The following ACTR3C variants were observed in gnomAD, a reference collection of about 807,000 sequenced individuals.
ACTR3C encodes actin-related protein 3C.
ACTR3C carries 18 observed loss-of-function variants against 26.3 expected under a neutral mutation model. That is an observed-to-expected ratio of 0.68 (90% CI 0.47 to 1.01). The LOEUF (loss-of-function observed/expected upper bound fraction) is 1.01, where lower values mean the gene tolerates loss of function less well. Ranked by LOEUF, ACTR3C falls within the 50% of genes least tolerant of loss-of-function variation. The probability of loss-of-function intolerance (pLI) is 0.00; values close to 1 mark genes in which losing one functional copy is unlikely to be tolerated. For missense variants in ACTR3C, 184 were observed against 250.7 expected, an observed-to-expected ratio of 0.73 and a Z score of 1.80; for synonymous variants, 55 against 94.5, an observed-to-expected ratio of 0.58 and a Z score of 2.42.
intron 6 of ACTR3C, among the ~76,000 whole-genome samples, chr7:150,261,563 G>A (rs1372524253): frequency 1.3e-5 from 2 of 152,252 alleles, no homozygotes; most frequent in Admixed American, 6.5e-5. Context: ...TTAGCAGGGC[G>A]TGGTGGCACA....
the ACTR3C span, among the ~76,000 whole-genome samples, chr7:150,070,035 G>C: frequency 3.1e-4 from 47 of 152,192 alleles, no homozygotes; most frequent in Non-Finnish European, 5.6e-4. Context: ...AAGAACTGAG[G>C]TCCAGGTCTG....
the ACTR3C span, among the ~76,000 whole-genome samples, chr7:150,042,826 A>T: frequency 6.6e-6 from 1 of 151,288 alleles, no homozygotes; most frequent in South Asian, 2.1e-4. Flanking sequence ...GTTTGGGTTA[A>T]AAGTCCAGCT....
chr7:150,103,686 A>G, the ACTR3C span, among the ~76,000 whole-genome samples: 1 of 151,964 alleles, frequency 6.6e-6, no homozygotes, highest in South Asian at 2.1e-4. Flanking sequence ...TTAAATTCAG[A>G]GACAATATTA....
intron 3 of ACTR3C, among the ~76,000 whole-genome samples, chr7:150,291,905 C>T (rs879504148): frequency 7.3e-5 from 11 of 151,394 alleles, no homozygotes; most frequent in Admixed American, 7.2e-4. Context: ...AGCCACCTCT[C>T]CTCCCCACAG....
At chr7:150,309,545 C>T (rs1354223331) in intron 1 of ACTR3C, among the ~76,000 whole-genome samples, 38 of 152,168 alleles carry the variant, frequency 2.5e-4, no homozygotes, top group Admixed American at 2.5e-3. Flanking sequence ...CCCAGCCATG[C>T]CTTCAGCACA....
At chr7:150,173,026 C>G in the ACTR3C span, among the ~76,000 whole-genome samples, 2 of 149,496 alleles carry the variant, frequency 1.3e-5, no homozygotes, top group African/African-American at 5.1e-5. Context: ...CACTGAGTGT[C>G]TGCAGCTTTT....
chr7:150,198,675 C>A, the ACTR3C span, among the ~76,000 whole-genome samples: 2 of 147,392 alleles, frequency 1.4e-5, no homozygotes, highest in Admixed American at 6.6e-5. Context: ...AAGTGAGGAG[C>A]CTCTCCGCCC....
At chr7:150,318,931 T>G (rs142942399) in intron 1 of ACTR3C, among the ~76,000 whole-genome samples, 205 of 152,346 alleles carry the variant, frequency 1.3e-3, no homozygotes, top group African/African-American at 4.7e-3. Context: ...CTGGGCTTCT[T>G]CCAGACCCAC....
the ACTR3C span, among the ~76,000 whole-genome samples, chr7:150,137,043 C>T: frequency 1.3e-5 from 2 of 152,318 alleles, no homozygotes; most frequent in South Asian, 2.1e-4. Context: ...CTATGAGAAT[C>T]GAATGCCACC....
At chr7:150,161,221 T>TAC in the ACTR3C span, among the ~76,000 whole-genome samples, 13 of 125,638 alleles carry the variant, frequency 1.0e-4, 1 homozygote, top group African/African-American at 4.3e-4. Context: ...TATATATATA[T>TAC]ATATTTATTA....
chr7:150,243,665 T>C (rs1832308346), downstream of ACTR3C, among the ~76,000 whole-genome samples: 1 of 152,090 alleles, frequency 6.6e-6, no homozygotes, highest in Admixed American at 6.5e-5. Context: ...TACACAATCC[T>C]CCCATATACT....
At chr7:150,145,890 TTCTAG>T in the ACTR3C span, among the ~76,000 whole-genome samples, 1 of 141,484 alleles carries the variant, frequency 7.1e-6, no homozygotes, top group Non-Finnish European at 1.5e-5. Context: ...TGTGGTTCCC[TTCTAG>T]TCTTTTCTAT....
At chr7:149,916,820 T>C in the ACTR3C span, among the ~76,000 whole-genome samples, 4 of 151,220 alleles carry the variant, frequency 2.6e-5, no homozygotes, top group Non-Finnish European at 5.9e-5. Context: ...CCTTTTCTCA[T>C]ACAGAAATCA....
chr7:150,035,186 T>G, the ACTR3C span, among the ~76,000 whole-genome samples: 17 of 135,066 alleles, frequency 1.3e-4, 1 homozygote, highest in East Asian at 6.4e-4. Context: ...GGTCTGGCTC[T>G]CAGTCCCCGC....
chr7:150,024,274 G>A, the ACTR3C span, among the ~76,000 whole-genome samples: 3 of 152,116 alleles, frequency 2.0e-5, no homozygotes, highest in Non-Finnish European at 2.9e-5. Context: ...TGAACCTGCA[G>A]ATATGGGCCC....
the ACTR3C span, among the ~76,000 whole-genome samples, chr7:150,137,677 T>C: frequency 6.6e-6 from 1 of 152,186 alleles, no homozygotes; most frequent in African/African-American, 2.4e-5. Context: ...AGAATACAAA[T>C]GAAGGAACAG....
At chr7:150,086,093 C>T in the ACTR3C span, among the ~76,000 whole-genome samples, 4 of 151,994 alleles carry the variant, frequency 2.6e-5, no homozygotes, top group East Asian at 3.9e-4. Context: ...AAGCGATTCT[C>T]GTGCCTCAGC....
chr7:150,072,437 AT>A, the ACTR3C span, among the ~76,000 whole-genome samples: 1 of 126,162 alleles, frequency 7.9e-6, no homozygotes, highest in South Asian at 2.8e-4. Flanking sequence ...TGTGTTTAAA[AT>A]TCAATTCTAT....
At chr7:150,028,166 T>A in the ACTR3C span, among the ~76,000 whole-genome samples, 1 of 152,298 alleles carries the variant, frequency 6.6e-6, no homozygotes, top group African/African-American at 2.4e-5. Context: ...AATATGGAAA[T>A]CATCTGGAAT....
Sources: allele counts gnomAD v4.1 joint callset (sites outside exome capture counted in the v4.1 genomes callset), GRCh38; gene constraint gnomAD v4.1.1; transcripts MANE v1.5; gene names NCBI Gene and HGNC (gene_info 2026-07-23, HGNC 2026-07-21).